Variants in TNFSF4 observed in about 807,000 individuals in gnomAD.
TNFSF4 encodes the protein tumor necrosis factor ligand superfamily member 4.
In TNFSF4, 4 loss-of-function variants were observed where a neutral mutation model predicts 7.3. The observed-to-expected ratio is 0.55, with a 90% CI of 0.27 to 1.25. The LOEUF (loss-of-function observed/expected upper bound fraction) is 1.25, where lower values mean the gene tolerates loss of function less well. Among genes scored for constraint, TNFSF4 ranks in the 50% most tolerant of loss-of-function variants. The probability of loss-of-function intolerance (pLI) is 0.12; values close to 1 mark genes in which losing one functional copy is unlikely to be tolerated. For missense variants in TNFSF4, 181 were observed against 208.8 expected (o/e 0.87, Z 0.82); for synonymous variants, 76 against 83.7 (o/e 0.91, Z 0.50).
At chr1:173,417,968 A>C in the TNFSF4 span, 1 of 147,724 alleles carries the variant, frequency 6.8e-6, no homozygotes, top group Non-Finnish European at 1.5e-5. Context: ...GACTCCACTC[A>C]GTCATTTGAG....
the TNFSF4 span, among the ~76,000 whole-genome samples, chr1:173,337,164 G>A: frequency 3.9e-5 from 6 of 152,130 alleles, no homozygotes; most frequent in Non-Finnish European, 8.8e-5. Context: ...GTGTATTGCA[G>A]TGCAGGCCCC....
chr1:173,312,986 G>A, the TNFSF4 span, among the ~76,000 whole-genome samples: 1 of 152,070 alleles, frequency 6.6e-6, no homozygotes, highest in Admixed American at 6.6e-5. Context: ...CCCACTTACA[G>A]GGACAGATGC....
At chr1:173,194,189 G>C (rs1016926748) in intron 1 of TNFSF4, among the ~76,000 whole-genome samples, 4 of 152,196 alleles carry the variant, frequency 2.6e-5, no homozygotes, top group Non-Finnish European at 5.9e-5. Context: ...TTTCTCTGCT[G>C]TAAGTGTTAT....
At chr1:173,189,214 C>T (rs1376409584) in intron 1 of TNFSF4, among the ~76,000 whole-genome samples, 1 of 152,168 alleles carries the variant, frequency 6.6e-6, no homozygotes, top group Non-Finnish European at 1.5e-5. Flanking sequence ...TTTTGGATAA[C>T]GTAGCACTAT....
At chr1:173,357,538 C>CT in the TNFSF4 span, among the ~76,000 whole-genome samples, 34,433 of 149,298 alleles carry the variant, frequency 0.23, 4,321 homozygotes, top group East Asian at 0.45. Flanking sequence ...CCATACCAGC[C>CT]TTTTTTTTTT....
chr1:173,329,991 T>A, the TNFSF4 span, among the ~76,000 whole-genome samples: 1 of 152,216 alleles, frequency 6.6e-6, no homozygotes, highest in East Asian at 1.9e-4. Context: ...TCTTCGGTCA[T>A]ATTTGTGTAA....
the TNFSF4 span, among the ~76,000 whole-genome samples, chr1:173,300,126 GATAGATA>G: frequency 6.8e-6 from 1 of 146,970 alleles, no homozygotes; most frequent in South Asian, 2.2e-4. Flanking sequence ...TAGATAGATA[GATAGATA>G]GATAGATAAT....
chr1:173,186,854 CCTT>C lies in TNFSF4; in HGVS notation c.211_213del (p.Lys71del), dbSNP rs745679658. On this transcript the variant is annotated inframe_deletion, in exon 3 of 3. Transcript: ENST00000281834. ...TGGGAAGTGAGGATGAAACCTTTCT[CCTT>C]CTTATATTCTAGGGAGGATAGGGGA... 7 of 1,595,004 alleles carry C rather than the reference CCTT, an allele frequency of 4.4e-6. No individual in the cohort carries two copies. The highest frequency in any genetic ancestry group is 3.4e-4 in the Middle Eastern group (2 of 5,970).
At chr1:173,346,131 G>C in the TNFSF4 span, among the ~76,000 whole-genome samples, 1 of 152,244 alleles carries the variant, frequency 6.6e-6, no homozygotes, top group East Asian at 1.9e-4. Flanking sequence ...GAGGGAGTTA[G>C]CTCAAAGTCA....
At chr1:173,266,420 G>A in the TNFSF4 span, among the ~76,000 whole-genome samples, 1 of 152,134 alleles carries the variant, frequency 6.6e-6, no homozygotes, top group Non-Finnish European at 1.5e-5. Flanking sequence ...CCTCAAAATA[G>A]GATGAACACC....
chr1:173,440,154 CCTT>C, the TNFSF4 span, among the ~76,000 whole-genome samples: 2 of 152,172 alleles, frequency 1.3e-5, no homozygotes, highest in East Asian at 1.9e-4. Flanking sequence ...CTGGGAAAGA[CCTT>C]CTTCCGTTGC....
the TNFSF4 span, among the ~76,000 whole-genome samples, chr1:173,389,218 G>A: frequency 6.6e-6 from 1 of 152,068 alleles, no homozygotes; most frequent in Non-Finnish European, 1.5e-5. Flanking sequence ...TATCACTGAG[G>A]CATTCAGGAC....
chr1:173,277,860 T>C, the TNFSF4 span, among the ~76,000 whole-genome samples: 1 of 152,182 alleles, frequency 6.6e-6, no homozygotes, highest in East Asian at 1.9e-4. Context: ...CTCATGTTTT[T>C]AACCATTGTG....
At chr1:173,414,612 G>A in the TNFSF4 span, among the ~76,000 whole-genome samples, 1 of 152,202 alleles carries the variant, frequency 6.6e-6, no homozygotes. Context: ...GGAAATTCAA[G>A]CTTCAAAGTA....
chr1:173,334,992 G>A, the TNFSF4 span, among the ~76,000 whole-genome samples: 329 of 152,252 alleles, frequency 2.2e-3, 2 homozygotes, highest in African/African-American at 7.5e-3. Flanking sequence ...AGGAACATGT[G>A]TAGGAATGGA....
chr1:173,407,095 T>C, the TNFSF4 span, among the ~76,000 whole-genome samples: 1 of 151,942 alleles, frequency 6.6e-6, no homozygotes, highest in East Asian at 1.9e-4. Flanking sequence ...CTGATGGCTG[T>C]GCAGGGAGCA....
At chr1:173,302,473 C>T in the TNFSF4 span, among the ~76,000 whole-genome samples, 379 of 151,962 alleles carry the variant, frequency 2.5e-3, 20 homozygotes, top group South Asian at 0.073. Flanking sequence ...GACCTCATCT[C>T]CCATGATCCT....
the TNFSF4 span, among the ~76,000 whole-genome samples, chr1:173,231,697 T>C: frequency 6.6e-6 from 1 of 152,160 alleles, no homozygotes; most frequent in Non-Finnish European, 1.5e-5. Context: ...ATGACATGAT[T>C]GTATATTTAG....
chr1:173,307,969 T>C, the TNFSF4 span, among the ~76,000 whole-genome samples: 3 of 151,972 alleles, frequency 2.0e-5, no homozygotes, highest in Non-Finnish European at 4.4e-5. Flanking sequence ...TGATTACTAG[T>C]AAGGTGGAGC....
Sources: allele counts gnomAD v4.1 joint callset (sites outside exome capture counted in the v4.1 genomes callset), GRCh38; gene constraint gnomAD v4.1.1; transcripts MANE v1.5; gene names NCBI Gene and HGNC (gene_info 2026-07-23, HGNC 2026-07-21).